The following LTF variants were observed in gnomAD, a reference collection of about 807,000 sequenced individuals.
LTF encodes epididymis luminal protein 110.
In LTF, 91 loss-of-function variants were observed where a neutral mutation model predicts 87.2. That is an observed-to-expected ratio of 1.04 (90% confidence interval 0.88 to 1.24). The LOEUF (loss-of-function observed/expected upper bound fraction) is 1.24, where lower values mean the gene tolerates loss of function less well. LTF is among the 50% of genes most tolerant of loss of function. The probability of loss-of-function intolerance (pLI) is 0.00; values close to 1 mark genes in which losing one functional copy is unlikely to be tolerated. For missense variants in LTF, 901 were observed against 904.3 expected (o/e 1.00, Z 0.05); for synonymous variants, 378 against 356.1 (o/e 1.06, Z -0.69).
chr3:46,441,985 G>C (rs1445583673), intron 13 of LTF: 1 of 105,972 alleles, frequency 9.4e-6, no homozygotes, highest in Non-Finnish European at 2.0e-5. Flanking sequence ...GTGTGTGTGT[G>C]TGTATGCATG....
At chr3:46,463,104 A>G (rs532714859) in intron 1 of LTF, among the ~76,000 whole-genome samples, 1 of 152,234 alleles carries the variant, frequency 6.6e-6, no homozygotes, top group African/African-American at 2.4e-5. Context: ...CTCTGGAGCT[A>G]TGTGACCCCC....
chr3:46,482,653 A>G (rs1703458163), intron 1 of LTF, among the ~76,000 whole-genome samples: 1 of 104,720 alleles, frequency 9.5e-6, no homozygotes, highest in Admixed American at 1.0e-4. Flanking sequence ...AGAAAGAAAG[A>G]AAGAAAGAAG....
chr3:46,464,797 G>T (rs776381415), intron 1 of LTF, 28 bp downstream of exon 1: 2 of 1,613,078 alleles, frequency 1.2e-6, no homozygotes, highest in Admixed American at 3.3e-5. Context: ...CCATCAGGCG[G>T]CTCGCGCCCC....
intron 1 of LTF, among the ~76,000 whole-genome samples, chr3:46,477,780 T>C (rs1703378444): frequency 6.6e-6 from 1 of 152,222 alleles, no homozygotes; most frequent in South Asian, 2.1e-4. Context: ...ACTCAGTCAA[T>C]ATTAACTATT....
At chr3:46,460,741 G>A (rs2106896818) in intron 1 of LTF, 2 of 279,064 alleles carry the variant, frequency 7.2e-6, no homozygotes, top group African/African-American at 2.2e-5. Context: ...GAAAAGAAAT[G>A]AGACACCCAT....
In LTF at chr3:46,449,034, C is replaced by T. The variant is rs147868536; in HGVS notation, c.1058-17G>A. On this transcript the variant is annotated splice_polypyrimidine_tract_variant and intron_variant, in intron 8 of 16. Transcript: ENST00000231751. ...CCTCCTCACCTGCCAGAGGGAAGAC[C>T]GCAGGTGGCTGGGCAACCTGAGCTT... The T allele has an allele frequency of 4.3e-3, 6,820 of 1,595,330 alleles. 21 individuals are homozygous for T. Among genetic ancestry groups the T allele is most frequent in the Middle Eastern group, 6.6e-3 (36 of 5,422 alleles).
chr3:46,457,429 G>A (rs1468935104), intron 2 of LTF, among the ~76,000 whole-genome samples: 1 of 152,094 alleles, frequency 6.6e-6, no homozygotes, highest in African/African-American at 2.4e-5. Context: ...TTTTCCTTGT[G>A]ACCACTTGTG....
At chr3:46,461,518 G>A in intron 1 of LTF, among the ~76,000 whole-genome samples, 1 of 152,150 alleles carries the variant, frequency 6.6e-6, no homozygotes, top group East Asian at 1.9e-4. Context: ...CTCAGTGAAG[G>A]AAGCCAGACA....
chr3:46,445,938 C>T (rs1391419278), intron 11 of LTF, among the ~76,000 whole-genome samples: 3 of 152,214 alleles, frequency 2.0e-5, no homozygotes, highest in African/African-American at 2.4e-5. Context: ...ACATGGTTGC[C>T]GTTGTCCTCC....
intron 1 of LTF, chr3:46,463,603 C>A: frequency 1.0e-6 from 1 of 985,492 alleles, no homozygotes; most frequent in Non-Finnish European, 1.2e-6. Flanking sequence ...CCTCAGTAGG[C>A]GCCAAAACAA....
intron 13 of LTF, chr3:46,441,928 AGAGAGAGTGTGTGTGTGTGT>A (rs753842643): frequency 0.092 from 7,773 of 84,542 alleles, 130 homozygotes; most frequent in Non-Finnish European, 0.11. Flanking sequence ...AGAGAGAGAG[AGAGAGAGTGTGTGTGTGTGT>A]GTGTGTGTGT....
chr3:46,469,449 G>A (rs1703255685), upstream of LTF: 1 of 152,310 alleles, frequency 6.6e-6, no homozygotes, highest in Non-Finnish European at 1.5e-5. Flanking sequence ...TGTTATACCT[G>A]TTTCCAGCTG....
intron 1 of LTF, among the ~76,000 whole-genome samples, chr3:46,484,800 A>G (rs1019527094): frequency 6.6e-6 from 1 of 152,110 alleles, no homozygotes; most frequent in African/African-American, 2.4e-5. Flanking sequence ...GCCCCTACCC[A>G]CCACCTCGGG....
intron 5 of LTF, 63 bp downstream of exon 5, chr3:46,455,232 G>A (rs1702896494): frequency 1.9e-6 from 3 of 1,605,136 alleles, no homozygotes; most frequent in African/African-American, 1.3e-5. Flanking sequence ...CCAGAGAAAA[G>A]GCCTCCCGGC....
At chr3:46,458,075 C>T (rs576711337) in intron 2 of LTF, among the ~76,000 whole-genome samples, 7 of 152,244 alleles carry the variant, frequency 4.6e-5, no homozygotes, top group Non-Finnish European at 1.0e-4. Flanking sequence ...TGAGCCACCA[C>T]GCCCGGCCTT....
intron 1 of LTF, among the ~76,000 whole-genome samples, chr3:46,479,413 G>A (rs2106927408): frequency 6.6e-6 from 1 of 152,358 alleles, no homozygotes; most frequent in South Asian, 2.1e-4. Context: ...CAAGGCAGAA[G>A]GCTGAGAATG....
intron 1 of LTF, among the ~76,000 whole-genome samples, chr3:46,461,165 T>A (rs1703071558): frequency 6.6e-6 from 1 of 152,208 alleles, no homozygotes; most frequent in East Asian, 1.9e-4. Flanking sequence ...CACATATCGA[T>A]GAGGATGTGG....
chr3:46,441,761 C>G (rs1427967618), intron 13 of LTF: 1 of 349,716 alleles, frequency 2.9e-6, no homozygotes, highest in Non-Finnish European at 5.2e-6. Flanking sequence ...AAGGAAAGCA[C>G]CAAAATAATG....
At chr3:46,468,303 G>A (rs1482229154), upstream of LTF, 1 of 456,644 alleles carries the variant, frequency 2.2e-6, no homozygotes, top group Admixed American at 2.3e-5. Context: ...CAGGAGTTGG[G>A]TCAGATCTCA....
Sources: gnomAD v4.1 joint callset for allele counts (sites outside exome capture counted in the v4.1 genomes callset) on GRCh38, gnomAD v4.1.1 for gene constraint, MANE v1.5 for transcripts, NCBI Gene and HGNC (gene_info 2026-07-23, HGNC 2026-07-21) for gene names.